SHISA9: variants seen among roughly 807,000 people sequenced by gnomAD.
The protein encoded by SHISA9 is shisa family member 9.
In SHISA9, 13 loss-of-function variants were observed where a neutral mutation model predicts 38.0. That is an observed-to-expected ratio of 0.34 (90% confidence interval 0.22 to 0.54). The LOEUF (loss-of-function observed/expected upper bound fraction) is 0.54. Ranked by LOEUF, SHISA9 falls within the 20% of genes least tolerant of loss-of-function variation. SHISA9 has a pLI of 0.91. For synonymous variants in SHISA9, 275 were observed against 242.0 expected (o/e 1.14, Z -1.27); for missense variants, 538 against 575.8 (o/e 0.93, Z 0.67).
chr16:13,440,438 G>A, the SHISA9 span, among the ~76,000 whole-genome samples: 1 of 152,292 alleles, frequency 6.6e-6, no homozygotes, highest in East Asian at 1.9e-4. Flanking sequence ...TATTGAAGGG[G>A]GAGAAGGAAA....
chr16:13,396,770 T>C, the SHISA9 span, among the ~76,000 whole-genome samples: 1 of 152,230 alleles, frequency 6.6e-6, no homozygotes. Context: ...CACTTCTTGA[T>C]GTAAACATCA....
At chr16:13,138,866 C>T (rs2141993948) in intron 2 of SHISA9, among the ~76,000 whole-genome samples, 1 of 152,206 alleles carries the variant, frequency 6.6e-6, no homozygotes, top group South Asian at 2.1e-4. Context: ...TGTCTGACCC[C>T]TTATTTGCAG....
chr16:13,460,024 G>C, the SHISA9 span, among the ~76,000 whole-genome samples: 2,974 of 152,110 alleles, frequency 0.02, 106 homozygotes, highest in African/African-American at 0.068. Flanking sequence ...CCTCCCACCT[G>C]AGCCTCCCAA....
intron 2 of SHISA9, among the ~76,000 whole-genome samples, chr16:13,167,021 A>T (rs564447111): frequency 2.0e-5 from 3 of 148,776 alleles, no homozygotes; most frequent in Admixed American, 6.7e-5. Flanking sequence ...CTTTAGGAGA[A>T]TTTTTTTTAT....
chr16:13,168,520 C>G (rs1054634416), intron 2 of SHISA9, among the ~76,000 whole-genome samples: 35 of 152,198 alleles, frequency 2.3e-4, no homozygotes, highest in African/African-American at 8.0e-4. Flanking sequence ...GAAATGTAGT[C>G]TTCTTAGGTG....
the SHISA9 span, among the ~76,000 whole-genome samples, chr16:13,285,245 C>G: frequency 1.3e-5 from 2 of 152,050 alleles, no homozygotes; most frequent in Non-Finnish European, 2.9e-5. Context: ...TAACTGTTTC[C>G]TTACACATGA....
intron 2 of SHISA9, among the ~76,000 whole-genome samples, chr16:13,075,032 T>C (rs1263169521): frequency 6.6e-6 from 1 of 152,172 alleles, no homozygotes; most frequent in Non-Finnish European, 1.5e-5. Context: ...AGTGAACCAG[T>C]TTATGGTAGA....
chr16:13,487,440 G>A, the SHISA9 span, among the ~76,000 whole-genome samples: 3 of 152,194 alleles, frequency 2.0e-5, no homozygotes, highest in Admixed American at 2.0e-4. Context: ...GTTGTCTCAC[G>A]TGGTGGGAGC....
chr16:13,463,184 G>T, the SHISA9 span, among the ~76,000 whole-genome samples: 35 of 152,166 alleles, frequency 2.3e-4, no homozygotes, highest in African/African-American at 7.7e-4. Context: ...AAACCCTGCA[G>T]TGTAGAAAGT....
intron 2 of SHISA9, among the ~76,000 whole-genome samples, chr16:13,121,832 T>TAC (rs55727441): frequency 0.068 from 9,210 of 134,674 alleles, 220 homozygotes; most frequent in Admixed American, 0.11. Flanking sequence ...TATACACACA[T>TAC]ACACACACAC....
chr16:13,373,463 G>A, the SHISA9 span, among the ~76,000 whole-genome samples: 124,771 of 152,204 alleles, frequency 0.82, 51,281 homozygotes, highest in East Asian at 0.96. Context: ...TCGCTCATCC[G>A]TAAGATGGGA....
intron 2 of SHISA9, among the ~76,000 whole-genome samples, chr16:13,067,332 G>A (rs939479826): frequency 9.8e-5 from 15 of 152,338 alleles, no homozygotes; most frequent in Middle Eastern, 6.8e-3. Context: ...CAGAAGCTGG[G>A]CTCTGGCATT....
At chr16:13,465,624 G>A in the SHISA9 span, among the ~76,000 whole-genome samples, 12 of 152,170 alleles carry the variant, frequency 7.9e-5, no homozygotes, top group Non-Finnish European at 1.6e-4. Context: ...GGATGCTAGG[G>A]AGAAAAGTCA....
chr16:13,392,205 C>T, the SHISA9 span, among the ~76,000 whole-genome samples: 1 of 152,124 alleles, frequency 6.6e-6, no homozygotes, highest in Non-Finnish European at 1.5e-5. Flanking sequence ...AGTCTTAACT[C>T]CCAGTGCCTT....
chr16:13,001,083 A>T (rs2141841515), intron 2 of SHISA9, among the ~76,000 whole-genome samples: 1 of 152,226 alleles, frequency 6.6e-6, no homozygotes, highest in East Asian at 1.9e-4. Context: ...ACCCACCATG[A>T]TGCCTGACTA....
chr16:13,416,761 A>AG, the SHISA9 span, among the ~76,000 whole-genome samples: 56 of 130,856 alleles, frequency 4.3e-4, no homozygotes, highest in East Asian at 2.9e-3. Context: ...GAAGGAAGGA[A>AG]GGAAGGAAGG....
the SHISA9 span, among the ~76,000 whole-genome samples, chr16:13,387,019 A>T: frequency 6.6e-6 from 1 of 152,246 alleles, no homozygotes; most frequent in South Asian, 2.1e-4. Flanking sequence ...AGTGCTATCT[A>T]TAAACGATTC....
the SHISA9 span, among the ~76,000 whole-genome samples, chr16:13,321,374 T>A: frequency 6.6e-6 from 1 of 152,226 alleles, no homozygotes; most frequent in Non-Finnish European, 1.5e-5. Context: ...GATTTTTCTC[T>A]GGGAGTCTCT....
the SHISA9 span, among the ~76,000 whole-genome samples, chr16:13,517,880 G>A: frequency 6.6e-6 from 1 of 152,190 alleles, no homozygotes; most frequent in African/African-American, 2.4e-5. Context: ...CAGGGCTTTG[G>A]CCTCTTCCCA....
Sources: allele counts gnomAD v4.1 joint callset (sites outside exome capture counted in the v4.1 genomes callset), GRCh38; gene constraint gnomAD v4.1.1; transcripts MANE v1.5; gene names NCBI Gene and HGNC (gene_info 2026-07-23, HGNC 2026-07-21).